The following IGFBP3 variants were observed in gnomAD, a reference collection of about 807,000 sequenced individuals.
IGFBP3 encodes insulin like growth factor binding protein 3, also known as insulin-like growth factor-binding protein 3.
IGFBP3 carries 9 observed loss-of-function variants against 28.6 expected under a neutral mutation model. The observed-to-expected ratio is 0.31, with a 90% CI of 0.19 to 0.55. The LOEUF (loss-of-function observed/expected upper bound fraction) is 0.55, where lower values mean the gene tolerates loss of function less well. Ranked by LOEUF, IGFBP3 falls within the 20% of genes least tolerant of loss-of-function variation. The pLI, the probability that IGFBP3 is intolerant of heterozygous loss-of-function variation, is 0.93. For synonymous variants in IGFBP3, 185 were observed against 188.2 expected (o/e 0.98, Z 0.14); for missense variants, 382 against 428.9 (o/e 0.89, Z 0.97).
intron 4 of IGFBP3, chr7:45,914,562 G>A: frequency 2.7e-6 from 1 of 365,326 alleles, no homozygotes. Context: ...AGATAAAGCA[G>A]AGTGTCCCTG....
At chr7:45,914,002 A>T (rs986351469) in intron 4 of IGFBP3, 168 bp from the exon 5 acceptor site, 7 of 152,322 alleles carry the variant, frequency 4.6e-5, no homozygotes, top group African/African-American at 1.7e-4. Flanking sequence ...CGAGTACCAG[A>T]TGCTGCTCAC....
intron 3 of IGFBP3, among the ~76,000 whole-genome samples, chr7:45,916,291 C>A (rs1784607938): frequency 6.6e-6 from 1 of 152,140 alleles, no homozygotes; most frequent in South Asian, 2.1e-4. Context: ...GTGGGTGAAC[C>A]ATTGAAAGGA....
At chr7:45,917,054 G>A (rs1784617636) in intron 2 of IGFBP3, 159 bp downstream of exon 2, 2 of 633,940 alleles carry the variant, frequency 3.2e-6, no homozygotes, top group African/African-American at 1.8e-5. Context: ...TATTCTTTAT[G>A]TAAGGAGAGG....
chr7:45,918,112 C>A (rs1361918903), intron 1 of IGFBP3, among the ~76,000 whole-genome samples: 2 of 152,128 alleles, frequency 1.3e-5, no homozygotes. Flanking sequence ...TTCTAGGTCC[C>A]CGTTACATCT....
rs1453722772 is a variant in IGFBP3 at position 45,916,725 on chromosome 7, C to T, written c.631-58G>A. On this transcript the variant is annotated intron_variant, in intron 2 of 4. Coordinates refer to ENST00000613132, the MANE Select transcript of IGFBP3 (RefSeq NM_000598.5). Reference sequence around the variant, plus strand: ...CACAGTTTTTACTCTAGAATGTGTGCTTTAAAAATCTTACGATGCTGCACA... The same window carrying T: ...CACAGTTTTTACTCTAGAATGTGTGTTTTAAAAATCTTACGATGCTGCACA... 3 of 1,565,980 alleles carry T rather than the reference C, an allele frequency of 1.9e-6. No homozygotes were observed. In the African/African-American group the frequency reaches 4.1e-5, roughly 21 times the overall value.
intron 1 of IGFBP3, among the ~76,000 whole-genome samples, chr7:45,918,000 A>T (rs1446990573): frequency 2.6e-5 from 4 of 152,258 alleles, no homozygotes; most frequent in Non-Finnish European, 5.9e-5. Context: ...AAACACGCTT[A>T]TAAGAGCTTG....
At chr7:45,919,249 A>G (rs1784653399) in intron 1 of IGFBP3, among the ~76,000 whole-genome samples, 1 of 152,196 alleles carries the variant, frequency 6.6e-6, no homozygotes, top group African/African-American at 2.4e-5. Flanking sequence ...ACTCACATCA[A>G]CCTATACTAC....
rs1185398019 is a variant in IGFBP3, at chr7:45,914,910, G to C, written c.786C>G (p.Cys262Trp). Residue 262 changes from cysteine to tryptophan, a missense_variant, in exon 4 of 5, where the codon TGC becomes TGG. Transcript: ENST00000613132. ...RPSKGRKRGF[C>W]WCVDKYGQPL... ...GCTGCCCATACTTATCCACACACCA[G>C]CAGAAGCCCCGCTTCCTGCCTTTGG... 1 of 1,614,150 alleles carries C rather than the reference G, an allele frequency of 6.2e-7. No homozygotes were observed. The highest frequency in any genetic ancestry group is 8.5e-7 in the Non-Finnish European group (1 of 1,180,022).
intron 1 of IGFBP3, chr7:45,920,277 C>T (rs1324031852): frequency 6.1e-6 from 1 of 163,872 alleles, no homozygotes; most frequent in Non-Finnish European, 1.3e-5. Context: ...TGTGCAAAGT[C>T]AGTATTTTAA....
chr7:45,917,074 G>T, intron 2 of IGFBP3, 139 bp downstream of exon 2: 1 of 673,396 alleles, frequency 1.5e-6, no homozygotes, highest in East Asian at 2.5e-5. Flanking sequence ...GAGAGAGGTA[G>T]GGCACAGAGG....
In IGFBP3 at chr7:45,917,447, C is replaced by A. The variant is rs149155055; in HGVS notation, c.404-8G>T. 6.3e-7 allele frequency: 1 copy of A among 1,597,740 alleles called. No individual in the cohort carries two copies. Among genetic ancestry groups the A allele is most frequent in the African/African-American group, 1.3e-5 (1 of 74,518 alleles). On this transcript the variant is annotated splice_polypyrimidine_tract_variant and splice_region_variant and intron_variant, in intron 1 of 4. Transcript: ENST00000613132. ...CCGACTCACTAGCATTTCCTTAAAA[C>A]GCCCAAGAGAGACAAACACATGAGA...
intron 3 of IGFBP3, among the ~76,000 whole-genome samples, chr7:45,915,614 T>C (rs2116575451): frequency 6.7e-6 from 1 of 148,320 alleles, no homozygotes; most frequent in South Asian, 2.2e-4. Flanking sequence ...TATCTTAAAT[T>C]TGTTTGATCA....
chr7:45,920,849 G>C lies in IGFBP3; in HGVS notation c.292C>G (p.Pro98Ala), dbSNP rs1437959676. 2 of 1,412,786 alleles carry C rather than the reference G, an allele frequency of 1.4e-6. No homozygotes were observed. Among genetic ancestry groups the C allele is most frequent in the Non-Finnish European group, 9.2e-7 (1 of 1,091,668 alleles). 87.5% of individuals were successfully genotyped at this position (1,412,786 alleles called of 1,614,324 possible). ...CGSGLRCQPS[P>A]DEARPLQALL... Reference sequence around the variant, plus strand: ...GCCTGCAGCGGTCGCGCCTCGTCGGGCGACGGCTGGCAGCGAAGGCCGGAG... The same window carrying C: ...GCCTGCAGCGGTCGCGCCTCGTCGGCCGACGGCTGGCAGCGAAGGCCGGAG... The change falls in exon 1 of 5, where the codon CCC (proline) becomes GCC (alanine). Residue 98 changes from proline to alanine, a missense_variant. Transcript: ENST00000613132.
At chr7:45,916,862 C>T (rs1450524990) in intron 2 of IGFBP3, 195 bp from the exon 3 acceptor site, 2 of 583,600 alleles carry the variant, frequency 3.4e-6, no homozygotes, top group Non-Finnish European at 6.0e-6. Flanking sequence ...TTGCTCTTCC[C>T]AGAGTAAGGC....
intron 2 of IGFBP3, 73 bp from the exon 3 acceptor site, chr7:45,916,740 G>A (rs1784613968): frequency 5.3e-6 from 8 of 1,520,050 alleles, no homozygotes; most frequent in Admixed American, 3.4e-5. Context: ...AAAATCTTAC[G>A]ATGCTGCACA....
chr7:45,920,859 G>A lies in IGFBP3; in HGVS notation c.282C>T (p.Cys94=). 1 of 1,417,926 alleles carries A rather than the reference G, an allele frequency of 7.1e-7. No homozygotes were observed. Among genetic ancestry groups the A allele is most frequent in the Middle Eastern group, 2.5e-4 (1 of 3,950 alleles). 87.8% of individuals were successfully genotyped at this position (1,417,926 alleles called of 1,614,324 possible). The change falls in exon 1 of 5, where the codon TGC becomes TGT. Residue 94 remains cysteine, a synonymous_variant. Coordinates refer to ENST00000613132, the MANE Select transcript of IGFBP3 (RefSeq NM_000598.5). The part of the protein sequence containing the change: ...YTERCGSGLR[C]QPSPDEARPL... ...GTCGCGCCTCGTCGGGCGACGGCTG[G>A]CAGCGAAGGCCGGAGCCACAGCGCT...
rs1784622812 is a variant in IGFBP3, at chr7:45,917,373, G to A, written c.470C>T (p.Thr157Met). 4 of 1,613,916 alleles carry A rather than the reference G, an allele frequency of 2.5e-6. No homozygotes were observed. The highest frequency in any genetic ancestry group is 2.2e-5 in the East Asian group (1 of 44,876). The change falls in exon 2 of 5, where the codon ACG (threonine) becomes ATG (methionine). Residue 157 changes from threonine (T) to methionine (M), a missense_variant. Thr to Met is a moderately conservative substitution (Grantham distance 81). Transcript: ENST00000613132. ...GAACTTGGGATCAGACACCCGGTGC[G>A]TGCTGGAGACGGACGGGCTCTCCAC... ...GSVESPSVSS[T>M]HRVSDPKFHP...
At chr7:45,914,488 C>A (rs1042584245) in intron 4 of IGFBP3, 9 of 192,368 alleles carry the variant, frequency 4.7e-5, no homozygotes. Flanking sequence ...CGGGTAAAGC[C>A]TAACTTTGAA....
chr7:45,919,781 C>CT (rs373744010), intron 1 of IGFBP3, among the ~76,000 whole-genome samples: 9 of 152,276 alleles, frequency 5.9e-5, no homozygotes, highest in African/African-American at 1.4e-4. Context: ...ACCCCCGCTC[C>CT]TTTTTTTAAG....
Sources: allele counts gnomAD v4.1 joint callset (sites outside exome capture counted in the v4.1 genomes callset), GRCh38; gene constraint gnomAD v4.1.1; transcripts MANE v1.5; gene names NCBI Gene and HGNC (gene_info 2026-07-23, HGNC 2026-07-21).